RAB6A: variants seen among roughly 807,000 people sequenced by gnomAD.
The protein encoded by RAB6A is RAB6A, member RAS oncogene family, also known as ras-related protein Rab-6A.
In RAB6A, 8 loss-of-function variants were observed where a neutral mutation model predicts 32.3. That is an observed-to-expected ratio of 0.25 (90% CI 0.15 to 0.45). RAB6A has a LOEUF of 0.45. Ranked by LOEUF, RAB6A falls within the 20% of genes least tolerant of loss-of-function variation. The probability of loss-of-function intolerance (pLI) is 1.00; values close to 1 mark genes in which losing one functional copy is unlikely to be tolerated. For missense variants in RAB6A, 104 were observed against 249.4 expected, an observed-to-expected ratio of 0.42 and a Z score of 3.93; for synonymous variants, 73 against 82.1, an observed-to-expected ratio of 0.89 and a Z score of 0.60.
chr11:73,728,604 T>G (rs1362497706), intron 2 of RAB6A, among the ~76,000 whole-genome samples: 1 of 140,770 alleles, frequency 7.1e-6, no homozygotes, highest in Non-Finnish European at 1.5e-5. Context: ...AAATCTGTCT[T>G]TGTTTAAATA....
At chr11:73,683,338 C>T (rs1182400962) in intron 6 of RAB6A, among the ~76,000 whole-genome samples, 2 of 146,306 alleles carry the variant, frequency 1.4e-5, no homozygotes, top group Non-Finnish European at 3.0e-5. Flanking sequence ...TCCCTGAGGT[C>T]TCGACCTCAT....
chr11:73,732,655 G>A (rs925799343), intron 1 of RAB6A, among the ~76,000 whole-genome samples: 4 of 152,078 alleles, frequency 2.6e-5, no homozygotes, highest in Admixed American at 6.6e-5. Flanking sequence ...AGCTACTTGG[G>A]AGGCTCAGGC....
At chr11:73,748,810 C>G (rs1946631700) in intron 1 of RAB6A, among the ~76,000 whole-genome samples, 1 of 152,112 alleles carries the variant, frequency 6.6e-6, no homozygotes, top group East Asian at 1.9e-4. Context: ...CCCCAAAATT[C>G]TACCAAAGCT....
At chr11:73,696,914 T>C (rs1348997880) in intron 6 of RAB6A, among the ~76,000 whole-genome samples, 3 of 152,114 alleles carry the variant, frequency 2.0e-5, no homozygotes, top group Non-Finnish European at 2.9e-5. Context: ...CTGATTACTT[T>C]TAAATTTTAA....
chr11:73,716,377 T>C lies in RAB6A; in HGVS notation c.290-15A>G, dbSNP rs750513796. 9 of 1,584,046 alleles carry C rather than the reference T, an allele frequency of 5.7e-6. No homozygotes were observed. The highest frequency in any genetic ancestry group is 4.0e-5 in the African/African-American group (3 of 74,200). On this transcript the variant is annotated splice_polypyrimidine_tract_variant and intron_variant, in intron 4 of 7. Transcript: ENST00000336083. ...TGAGTTAACATCTAGTATAGGAGGG[T>C]AGACAGAGAGATTAGTGTTGCTGAA...
rs1358400398 is a variant in RAB6A, at chr11:73,675,667, T to C, written c.*2231A>G. The C allele has an allele frequency of 6.5e-6, 1 of 153,938 alleles. No individual in the cohort carries two copies. 9.5% of individuals were successfully genotyped at this position (153,938 alleles called of 1,614,324 possible). ...TTTCTTTCGTGTTTTATTTATATAT[T>C]TTTGGCAGCAAAATTGTGTTTATTA... On this transcript the variant is annotated 3_prime_UTR_variant, in exon 8 of 8. Transcript: ENST00000336083.
intron 6 of RAB6A, among the ~76,000 whole-genome samples, chr11:73,693,653 A>C (rs1007492126): frequency 6.6e-6 from 1 of 151,158 alleles, no homozygotes; most frequent in African/African-American, 2.4e-5. Flanking sequence ...TGGGAGCCCA[A>C]GGCAGGAGAT....
At chr11:73,705,951 C>T (rs1004474372) in intron 6 of RAB6A, among the ~76,000 whole-genome samples, 1 of 151,612 alleles carries the variant, frequency 6.6e-6, no homozygotes, top group Non-Finnish European at 1.5e-5. Context: ...TAAACTGAAA[C>T]TTATAAGGAG....
chr11:73,745,020 A>C (rs1946565412), intron 1 of RAB6A, among the ~76,000 whole-genome samples: 1 of 152,002 alleles, frequency 6.6e-6, no homozygotes, highest in South Asian at 2.1e-4. Flanking sequence ...CATAAGACTG[A>C]CTACTAGCAC....
At chr11:73,679,806 C>T (rs1945326544) in intron 6 of RAB6A, 86 bp from the exon 7 acceptor site, 1 of 1,557,990 alleles carries the variant, frequency 6.4e-7, no homozygotes, top group Non-Finnish European at 8.8e-7. Flanking sequence ...AGTGAGCTGT[C>T]TAATGCTGGG....
chr11:73,760,216 C>T (rs1946822077), intron 1 of RAB6A: 2 of 854,860 alleles, frequency 2.3e-6, no homozygotes, highest in Non-Finnish European at 3.4e-6. Flanking sequence ...AAGGGTGGGG[C>T]TCAAGAAAGG....
chr11:73,725,827 A>G (rs530226317), intron 2 of RAB6A, among the ~76,000 whole-genome samples: 54 of 152,280 alleles, frequency 3.5e-4, no homozygotes, highest in African/African-American at 1.3e-3. Flanking sequence ...GGAGAAAGGT[A>G]AGACAGAAGA....
At chr11:73,713,173 A>G (rs911604241) in intron 5 of RAB6A, among the ~76,000 whole-genome samples, 1 of 152,204 alleles carries the variant, frequency 6.6e-6, no homozygotes, top group Non-Finnish European at 1.5e-5. Context: ...AATAACCTCC[A>G]AACTTCTAAA....
chr11:73,700,558 T>C (rs2134903948), intron 6 of RAB6A, among the ~76,000 whole-genome samples: 1 of 113,408 alleles, frequency 8.8e-6, no homozygotes, highest in Non-Finnish European at 1.6e-5. Context: ...TACTCCAGCC[T>C]GGGTGACAGA....
chr11:73,739,341 T>TAAAAAAAAGGTTGATTTAA (rs1197389283), intron 1 of RAB6A, among the ~76,000 whole-genome samples: 12 of 92,150 alleles, frequency 1.3e-4, no homozygotes, highest in African/African-American at 4.5e-4. Context: ...AAAAGTAAAC[T>TAAAAAAAAGGTTGATTTAA]AAAAAATTTT....
At chr11:73,719,394 C>T (rs1164458264) in intron 3 of RAB6A, among the ~76,000 whole-genome samples, 2 of 152,170 alleles carry the variant, frequency 1.3e-5, no homozygotes, top group African/African-American at 2.4e-5. Flanking sequence ...TTTTAACTAC[C>T]GTGCTTGTAT....
At chr11:73,681,601 G>A (rs557116361) in intron 6 of RAB6A, among the ~76,000 whole-genome samples, 2 of 152,254 alleles carry the variant, frequency 1.3e-5, no homozygotes, top group Non-Finnish European at 2.9e-5. Context: ...TTACGAGGTC[G>A]AGTTTGAGAC....
At chr11:73,719,778 G>T (rs986150865) in intron 3 of RAB6A, among the ~76,000 whole-genome samples, 2 of 151,898 alleles carry the variant, frequency 1.3e-5, no homozygotes, top group African/African-American at 4.8e-5. Context: ...ACCACGCCCA[G>T]CTAATTTTTG....
At chr11:73,727,884 A>C (rs1456911499) in intron 2 of RAB6A, among the ~76,000 whole-genome samples, 1 of 152,228 alleles carries the variant, frequency 6.6e-6, no homozygotes, top group Non-Finnish European at 1.5e-5. Flanking sequence ...TTTTTTCTTT[A>C]ATCTATAGAA....
Sources: allele counts gnomAD v4.1 joint callset (sites outside exome capture counted in the v4.1 genomes callset), GRCh38; gene constraint gnomAD v4.1.1; transcripts MANE v1.5; gene names NCBI Gene and HGNC (gene_info 2026-07-23, HGNC 2026-07-21).